The following KLRG1 variants were observed in gnomAD, a reference collection of about 807,000 sequenced individuals.
KLRG1 encodes killer cell lectin-like receptor subfamily G member 1.
A neutral mutation model predicts 21.8 loss-of-function variants in KLRG1; 16 were observed. That is an observed-to-expected ratio of 0.73 (90% confidence interval 0.50 to 1.11). The LOEUF (loss-of-function observed/expected upper bound fraction) is 1.11. KLRG1 is among the 50% of genes most tolerant of loss of function. KLRG1 has a pLI of 0.00. For missense variants in KLRG1, 173 were observed against 218.3 expected, an observed-to-expected ratio of 0.79 and a Z score of 1.31; for synonymous variants, 69 against 75.9, an observed-to-expected ratio of 0.91 and a Z score of 0.47.
chr12:9,062,418 G>C, the KLRG1 span, among the ~76,000 whole-genome samples: 2 of 126,600 alleles, frequency 1.6e-5, no homozygotes, highest in African/African-American at 6.1e-5. Context: ...TAATGTATCT[G>C]ATATATTTAT....
the KLRG1 span, among the ~76,000 whole-genome samples, chr12:9,082,792 C>T: frequency 6.6e-6 from 1 of 152,138 alleles, no homozygotes; most frequent in Non-Finnish European, 1.5e-5. Context: ...TATATAAATA[C>T]AAAATTAAAT....
the KLRG1 span, among the ~76,000 whole-genome samples, chr12:9,144,548 C>T: frequency 6.6e-6 from 1 of 151,920 alleles, no homozygotes; most frequent in African/African-American, 2.4e-5. Flanking sequence ...GAAAGAAACA[C>T]GATTAGTGGC....
At chr12:9,212,784 A>G in the KLRG1 span, among the ~76,000 whole-genome samples, 1 of 152,094 alleles carries the variant, frequency 6.6e-6, no homozygotes, top group African/African-American at 2.4e-5. Context: ...TATTTTTTAC[A>G]ATTTTTAAAT....
At chr12:9,028,146 C>T in the KLRG1 span, 3,192 of 503,450 alleles carry the variant, frequency 6.3e-3, 76 homozygotes, top group African/African-American at 0.11. Context: ...TCGTCGTCTT[C>T]TTCTTTTTTT....
At chr12:9,016,141 A>T in the KLRG1 span, among the ~76,000 whole-genome samples, 1 of 152,152 alleles carries the variant, frequency 6.6e-6, no homozygotes, top group Non-Finnish European at 1.5e-5. Context: ...TAGTAGAAGA[A>T]AAGAAATAAT....
At chr12:9,068,915 C>T in the KLRG1 span, 1 of 1,121,290 alleles carries the variant, frequency 8.9e-7, no homozygotes, top group Non-Finnish European at 1.3e-6. Flanking sequence ...TAAGTATTCA[C>T]CTGTTTTTTG....
the KLRG1 span, chr12:9,113,654 G>A: frequency 9.4e-7 from 1 of 1,062,426 alleles, no homozygotes; most frequent in Admixed American, 2.4e-5. Context: ...ACCAAGAGAA[G>A]ATGTACTGAT....
At chr12:9,135,667 T>G in the KLRG1 span, 1 of 206,460 alleles carries the variant, frequency 4.8e-6, no homozygotes, top group Non-Finnish European at 9.6e-6. Flanking sequence ...GGGGATGGAT[T>G]ATGGAATTTA....
At chr12:9,018,302 C>T in the KLRG1 span, among the ~76,000 whole-genome samples, 1 of 151,756 alleles carries the variant, frequency 6.6e-6, no homozygotes. Context: ...ATAGCCAAAG[C>T]CATCCTGAGC....
chr12:9,113,328 C>T, the KLRG1 span: 10 of 1,607,458 alleles, frequency 6.2e-6, no homozygotes, highest in South Asian at 1.1e-5. Flanking sequence ...ACTAAAAGAA[C>T]CAAGTATATT....
rs1345965299 is a variant in KLRG1, at chr12:8,992,328, C to T, written c.187+18C>T. Reference sequence around the variant, plus strand: ...GTGCCAGGGTAAGTGCAAACTTAAACCAAAATTAATCTTTCATTTTATATT... The same window carrying T: ...GTGCCAGGGTAAGTGCAAACTTAAATCAAAATTAATCTTTCATTTTATATT... On this transcript the variant is annotated intron_variant, in intron 2 of 4. Coordinates refer to ENST00000356986, the MANE Select transcript of KLRG1 (RefSeq NM_005810.4). 2.5e-5 allele frequency: 38 copies of T among 1,507,596 alleles called. No homozygotes were observed. Among genetic ancestry groups the T allele is most frequent in the Non-Finnish European group, 3.4e-5 (38 of 1,101,944 alleles). 93.4% of individuals were successfully genotyped at this position (1,507,596 alleles called of 1,614,324 possible).
At chr12:9,175,356 AC>A in the KLRG1 span, among the ~76,000 whole-genome samples, 10 of 152,264 alleles carry the variant, frequency 6.6e-5, no homozygotes, top group South Asian at 1.9e-3. Flanking sequence ...AACTATAAAG[AC>A]CCTTGAAGAA....
the KLRG1 span, among the ~76,000 whole-genome samples, chr12:9,140,798 G>A: frequency 5.3e-5 from 8 of 152,166 alleles, 1 homozygote; most frequent in South Asian, 1.7e-3. Context: ...CCCTGTACAG[G>A]GACTGTGCAC....
chr12:8,966,396 C>A (rs1946473065), intron 1 of KLRG1, among the ~76,000 whole-genome samples: 1 of 152,026 alleles, frequency 6.6e-6, no homozygotes, highest in African/African-American at 2.4e-5. Flanking sequence ...TCAGAGTGAA[C>A]AGGCAACCTA....
the KLRG1 span, among the ~76,000 whole-genome samples, chr12:9,043,225 C>T: frequency 6.6e-6 from 1 of 152,030 alleles, no homozygotes; most frequent in African/African-American, 2.4e-5. Context: ...TACAGGTGCC[C>T]ACCACCACGC....
At chr12:9,049,885 G>A in the KLRG1 span, among the ~76,000 whole-genome samples, 1 of 152,096 alleles carries the variant, frequency 6.6e-6, no homozygotes, top group South Asian at 2.1e-4. Flanking sequence ...TATGCTATAC[G>A]TGTCTTATGT....
At chr12:9,020,306 G>A in the KLRG1 span, among the ~76,000 whole-genome samples, 4 of 152,282 alleles carry the variant, frequency 2.6e-5, no homozygotes, top group Middle Eastern at 3.4e-3. Context: ...TTTGATAGGT[G>A]TATATATCCA....
the KLRG1 span, chr12:9,036,265 T>C: frequency 7.2e-5 from 11 of 152,294 alleles, no homozygotes; most frequent in African/African-American, 2.7e-4. Context: ...GTGAGGCGGC[T>C]GACCAGCCTC....
At chr12:8,983,395 C>CTT (rs764267755) in intron 1 of KLRG1, among the ~76,000 whole-genome samples, 1,450 of 89,430 alleles carry the variant, frequency 0.016, 16 homozygotes, top group Admixed American at 0.018. Flanking sequence ...ACCATTTTAC[C>CTT]TTTTTTTTTT....
Sources: gnomAD v4.1 joint callset for allele counts (sites outside exome capture counted in the v4.1 genomes callset) on GRCh38, gnomAD v4.1.1 for gene constraint, MANE v1.5 for transcripts, NCBI Gene and HGNC (gene_info 2026-07-23, HGNC 2026-07-21) for gene names.